ZRANB1: variants seen among roughly 807,000 people sequenced by gnomAD.
The protein encoded by ZRANB1 is ubiquitin thioesterase ZRANB1.
A neutral mutation model predicts 80.5 loss-of-function variants in ZRANB1; 16 were observed. That is an observed-to-expected ratio of 0.20 (90% CI 0.13 to 0.30). ZRANB1 has a LOEUF of 0.30. ZRANB1 is among the 10% of genes least tolerant of loss of function. The pLI is 1.00. For missense variants in ZRANB1, 576 were observed against 862.6 expected (o/e 0.67, Z 4.16); for synonymous variants, 291 against 293.1 (o/e 0.99, Z 0.07).
rs111871514 is a variant in ZRANB1 at position 124,963,127 on chromosome 10, G to A, written c.815-3467G>A. 1.7e-4 allele frequency among the ~76,000 whole-genome samples: 26 copies of A among 152,128 alleles called. 1 individual carries two copies. Among genetic ancestry groups the A allele is most frequent in the African/African-American group, 6.3e-4 (26 of 41,502 alleles). The stretch of plus-strand genomic sequence containing the variant: ...CTAAAAATACAAAAATTAGCTAGGT[G>A]TGGTGGTGTGCGCCAGTAGTCCCAG... On this transcript the variant is annotated intron_variant, in intron 1 of 8. Coordinates refer to ENST00000359653, the MANE Select transcript of ZRANB1 (RefSeq NM_017580.3).
the ZRANB1 span, among the ~76,000 whole-genome samples, chr10:124,921,023 T>C: frequency 6.6e-6 from 1 of 152,242 alleles, no homozygotes; most frequent in Non-Finnish European, 1.5e-5. Context: ...AAACTATGGC[T>C]GTCTCTTTAA....
the ZRANB1 span, among the ~76,000 whole-genome samples, chr10:124,934,094 G>A: frequency 1.3e-5 from 2 of 152,192 alleles, no homozygotes; most frequent in African/African-American, 2.4e-5. Context: ...AGATTAAAAT[G>A]TAACATTTAA....
chr10:124,984,906 G>A lies in ZRANB1; in HGVS notation c.2041G>A (p.Glu681Lys), dbSNP rs1951998675. The A allele has an allele frequency of 6.2e-7, 1 of 1,613,922 alleles. No individual in the cohort carries two copies. The highest frequency in any genetic ancestry group is 8.5e-7 in the Non-Finnish European group (1 of 1,180,036). The change falls in exon 9 of 9, where the codon GAA (glutamate) becomes AAA (lysine). Residue 681 changes from glutamate to lysine, a missense_variant. By Grantham distance (56) the Glu-to-Lys change is moderately conservative. Around this residue, in one of 3 missense-constraint regions of ZRANB1, gnomAD observed 152 missense variants for 221.9 expected, o/e 0.69. Transcript: ENST00000359653. ...TCACCCCCTGGTCACTCAGATGGTA[G>A]AAAAATGGCTTGACCGCTACCGACA... ...RNHPLVTQMVEKWLDRYRQIR... is the reference protein window; with the variant it reads ...RNHPLVTQMVKKWLDRYRQIR...
chr10:124,984,539 G>A, intron 8 of ZRANB1: 2 of 515,000 alleles, frequency 3.9e-6, no homozygotes, highest in Admixed American at 7.0e-5. Context: ...TTACCCTCTA[G>A]TGTGCTCCTC....
the ZRANB1 span, among the ~76,000 whole-genome samples, chr10:124,921,220 A>G: frequency 6.6e-6 from 1 of 152,174 alleles, no homozygotes; most frequent in Admixed American, 6.5e-5. Flanking sequence ...TGGTCATTCC[A>G]TATTGTATGG....
the ZRANB1 span, among the ~76,000 whole-genome samples, chr10:124,935,150 G>A: frequency 1.0e-3 from 155 of 152,234 alleles, no homozygotes; most frequent in African/African-American, 3.5e-3. Flanking sequence ...TTTTTTAATG[G>A]GGCTAGAATG....
chr10:124,981,024 ATGTC>A (rs1326793365), intron 5 of ZRANB1, among the ~76,000 whole-genome samples: 11 of 152,232 alleles, frequency 7.2e-5, no homozygotes, highest in Admixed American at 3.3e-4. Context: ...AACAGATTAA[ATGTC>A]TGTCTGCATT....
At chr10:124,919,112 G>A in the ZRANB1 span, among the ~76,000 whole-genome samples, 3 of 152,162 alleles carry the variant, frequency 2.0e-5, no homozygotes, top group Non-Finnish European at 4.4e-5. Flanking sequence ...CACATTTAAA[G>A]TCTGAGGATT....
the ZRANB1 span, among the ~76,000 whole-genome samples, chr10:124,927,538 GAACT>G: frequency 5.9e-5 from 9 of 152,088 alleles, no homozygotes; most frequent in African/African-American, 1.2e-4. Flanking sequence ...TCAGTTTTCC[GAACT>G]AACTAAACTT....
chr10:124,956,342 T>TA (rs916576730), intron 1 of ZRANB1, among the ~76,000 whole-genome samples: 5 of 152,308 alleles, frequency 3.3e-5, no homozygotes, highest in African/African-American at 1.2e-4. Context: ...GCACACGGTT[T>TA]AAAAAAACCC....
intron 1 of ZRANB1, among the ~76,000 whole-genome samples, chr10:124,955,503 C>T (rs1951681686): frequency 6.6e-6 from 1 of 152,096 alleles, no homozygotes; most frequent in Non-Finnish European, 1.5e-5. Context: ...ACTGGCAATG[C>T]TTTGTAGTCC....
chr10:124,921,659 ATTT>A, the ZRANB1 span, among the ~76,000 whole-genome samples: 1 of 151,886 alleles, frequency 6.6e-6, no homozygotes, highest in Non-Finnish European at 1.5e-5. Context: ...TATAAAAAGT[ATTT>A]TTTTTCAAGT....
chr10:124,952,405 G>A (rs970685160), intron 1 of ZRANB1, among the ~76,000 whole-genome samples: 1 of 152,124 alleles, frequency 6.6e-6, no homozygotes, highest in African/African-American at 2.4e-5. Flanking sequence ...CAGCCTCTAG[G>A]AGAAAAGGCA....
Position 124,942,873 on chromosome 10 carries a change from C to T in ZRANB1, c.380C>T (p.Ser127Leu), listed in dbSNP as rs1236090110. The T allele has an allele frequency of 2.5e-6, 4 of 1,614,084 alleles. No homozygotes were observed. Among genetic ancestry groups the T allele is most frequent in the Admixed American group, 3.3e-5 (2 of 59,992 alleles). The change falls in exon 1 of 9, where the codon TCA (serine) becomes TTA (leucine). Residue 127 changes from serine to leucine, a missense_variant. Ser to Leu is a moderately radical substitution (Grantham distance 145). Around this residue, in one of 3 missense-constraint regions of ZRANB1, gnomAD observed 411 missense variants for 583.1 expected, o/e 0.70. Transcript: ENST00000359653. ...TCTCCTCAGTCCTCAGGATCTGGCT[C>T]AAGACCAGTTGCTTTTTCTGTTGAT... ...TESPQSSGSG[S>L]RPVAFSVDPC...
chr10:124,933,506 A>G, the ZRANB1 span, among the ~76,000 whole-genome samples: 1 of 152,270 alleles, frequency 6.6e-6, no homozygotes, highest in South Asian at 2.1e-4. Flanking sequence ...TTATTATTTA[A>G]ATGCTGGATT....
At chr10:124,949,449 G>A (rs1012926599) in intron 1 of ZRANB1, among the ~76,000 whole-genome samples, 13 of 147,194 alleles carry the variant, frequency 8.8e-5, no homozygotes, top group Admixed American at 6.1e-4. Flanking sequence ...ACACACATAT[G>A]TATATATATA....
At chr10:124,950,474 T>G (rs1951629059) in intron 1 of ZRANB1, among the ~76,000 whole-genome samples, 1 of 152,206 alleles carries the variant, frequency 6.6e-6, no homozygotes, top group African/African-American at 2.4e-5. Context: ...TTTCTTATAT[T>G]AGTTGTCTGC....
intron 1 of ZRANB1, among the ~76,000 whole-genome samples, chr10:124,951,857 T>A (rs2134256308): frequency 6.6e-6 from 1 of 152,216 alleles, no homozygotes; most frequent in Admixed American, 6.5e-5. Context: ...CTTGGGAGGC[T>A]GAGGCAGAAG....
intron 1 of ZRANB1, among the ~76,000 whole-genome samples, chr10:124,963,545 TTTTTG>T (rs1164536541): frequency 0.011 from 1,424 of 131,472 alleles, 13 homozygotes; most frequent in South Asian, 0.048. Context: ...AGGTTTTTTT[TTTTTG>T]TTTGTTTTTT....
Sources: gnomAD v4.1 joint callset for allele counts (sites outside exome capture counted in the v4.1 genomes callset) on GRCh38, gnomAD v4.1.1 for gene constraint, gnomAD v4.1.1 regional missense constraint, MANE v1.5 for transcripts, NCBI Gene and HGNC (gene_info 2026-07-23, HGNC 2026-07-21) for gene names.